Variants in EVI5 observed in about 807,000 individuals in gnomAD.
EVI5 encodes ecotropic viral integration site 5, also known as ecotropic viral integration site 5 protein homolog.
EVI5 carries 73 observed loss-of-function variants against 112.0 expected under a neutral mutation model. That is an observed-to-expected ratio of 0.65 (90% CI 0.54 to 0.79). The LOEUF is 0.79. Among genes scored for constraint, EVI5 ranks in the 30% least tolerant of loss-of-function variants. The pLI, the probability that EVI5 is intolerant of heterozygous loss-of-function variation, is 0.00. For synonymous variants in EVI5, 305 were observed against 319.9 expected (o/e 0.95, Z 0.50); for missense variants, 900 against 968.8 (o/e 0.93, Z 0.94).
At chr1:92,676,917 A>G (rs1666839177) in intron 10 of EVI5, among the ~76,000 whole-genome samples, 1 of 152,188 alleles carries the variant, frequency 6.6e-6, no homozygotes, top group Admixed American at 6.5e-5. Context: ...TCTCCATGGA[A>G]GTGTTTTCTC....
chr1:92,760,643 A>G (rs1203183421), intron 1 of EVI5, among the ~76,000 whole-genome samples: 1 of 151,618 alleles, frequency 6.6e-6, no homozygotes, highest in African/African-American at 2.4e-5. Flanking sequence ...CTAAGGCAGG[A>G]GAATTGCTTG....
In EVI5 at chr1:92,740,549, T is replaced by A. The variant is rs966868653; in HGVS notation, c.-81-3922A>T. On this transcript the variant is annotated intron_variant, in intron 1 of 19. Coordinates refer to ENST00000684568, the MANE Select transcript of EVI5 (RefSeq NM_001350197.2). ...GGGACTGCCAACCAGACATCTCATG[T>A]TCCTTCCTCGAGATGAGTGGACCAA... 6.6e-5 allele frequency among the ~76,000 whole-genome samples: 10 copies of A among 152,356 alleles called. No homozygotes were observed. In the East Asian group the frequency reaches 1.9e-3, roughly 29 times the overall value.
chr1:92,672,408 G>A (rs1016924273), intron 10 of EVI5, among the ~76,000 whole-genome samples: 14 of 152,002 alleles, frequency 9.2e-5, no homozygotes, highest in African/African-American at 2.4e-4. Flanking sequence ...GGCACACCCC[G>A]AATAGGTTCT....
intron 16 of EVI5, among the ~76,000 whole-genome samples, chr1:92,615,234 T>C (rs1235000494): frequency 6.6e-6 from 1 of 152,188 alleles, no homozygotes; most frequent in Non-Finnish European, 1.5e-5. Flanking sequence ...AACCAAGGAA[T>C]GTAATGAAGT....
chr1:92,565,780 C>T (rs1669342460), intron 18 of EVI5, among the ~76,000 whole-genome samples: 1 of 151,570 alleles, frequency 6.6e-6, no homozygotes, highest in African/African-American at 2.4e-5. Context: ...ACCAGCCTGG[C>T]CAACATGGTG....
chr1:92,588,897 TGGC>T (rs1673232406), intron 18 of EVI5, among the ~76,000 whole-genome samples: 1 of 152,266 alleles, frequency 6.6e-6, no homozygotes, highest in Non-Finnish European at 1.5e-5. Context: ...ATTTTGACTG[TGGC>T]TAGTATGCCG....
chr1:92,772,412 C>T (rs1039288407), intron 1 of EVI5, among the ~76,000 whole-genome samples: 6 of 150,688 alleles, frequency 4.0e-5, no homozygotes, highest in African/African-American at 7.3e-5. Flanking sequence ...CTGGCTAACA[C>T]AGTGAAACCC....
At chr1:92,672,717 T>C (rs1214703994) in intron 10 of EVI5, among the ~76,000 whole-genome samples, 1 of 152,236 alleles carries the variant, frequency 6.6e-6, no homozygotes, top group Non-Finnish European at 1.5e-5. Context: ...GGAGGCACTA[T>C]GAATTATCTG....
intron 19 of EVI5, among the ~76,000 whole-genome samples, chr1:92,548,036 CACA>C (rs1230922903): frequency 1.3e-5 from 2 of 152,108 alleles, no homozygotes; most frequent in Admixed American, 1.3e-4. Flanking sequence ...CTGGCAGAGA[CACA>C]ACAAAAAAAG....
chr1:92,734,061 G>A (rs923211321), intron 2 of EVI5, among the ~76,000 whole-genome samples: 10 of 152,162 alleles, frequency 6.6e-5, no homozygotes, highest in South Asian at 4.1e-4. Flanking sequence ...CATGGGGGCC[G>A]GAAAGTATAG....
intron 19 of EVI5, among the ~76,000 whole-genome samples, chr1:92,551,593 T>C (rs560232299): frequency 1.3e-5 from 2 of 152,326 alleles, no homozygotes. Flanking sequence ...ACTCAAATGA[T>C]AAATATGCAT....
chr1:92,721,177 G>A (rs1397728769), intron 2 of EVI5, among the ~76,000 whole-genome samples: 1 of 152,164 alleles, frequency 6.6e-6, no homozygotes, highest in East Asian at 1.9e-4. Context: ...CCATTACTGG[G>A]TATATACCCA....
At chr1:92,658,284 G>A (rs1355715880) in intron 13 of EVI5, among the ~76,000 whole-genome samples, 1 of 152,148 alleles carries the variant, frequency 6.6e-6, no homozygotes, top group Non-Finnish European at 1.5e-5. Flanking sequence ...AATTGGAAAA[G>A]AGGAAGTCAA....
chr1:92,677,888 G>A (rs2102325190), intron 9 of EVI5, among the ~76,000 whole-genome samples: 1 of 152,266 alleles, frequency 6.6e-6, no homozygotes, highest in Non-Finnish European at 1.5e-5. Context: ...AACATCACCA[G>A]TAATACATAC....
intron 16 of EVI5, among the ~76,000 whole-genome samples, chr1:92,620,718 G>C (rs1376326108): frequency 6.6e-6 from 1 of 151,976 alleles, no homozygotes; most frequent in Non-Finnish European, 1.5e-5. Context: ...ACAAAAACCA[G>C]CACTAAAGGA....
intron 18 of EVI5, among the ~76,000 whole-genome samples, chr1:92,584,428 ATAG>A (rs1427445375): frequency 5.3e-5 from 8 of 152,222 alleles, no homozygotes; most frequent in Non-Finnish European, 1.2e-4. Context: ...TGAAATTACT[ATAG>A]TAGAAGAAAA....
At chr1:92,659,055 T>C (rs1336410801) in intron 13 of EVI5, among the ~76,000 whole-genome samples, 1 of 151,904 alleles carries the variant, frequency 6.6e-6, no homozygotes, top group East Asian at 1.9e-4. Context: ...TTCATATCTC[T>C]CATCATTTAC....
chr1:92,624,689 C>CAAAA (rs141559165), intron 15 of EVI5, among the ~76,000 whole-genome samples: 103 of 51,774 alleles, frequency 2.0e-3, no homozygotes, highest in Admixed American at 2.5e-3. Context: ...GTCTCTACTT[C>CAAAA]AAAAAAAAAA....
At chr1:92,525,259 G>T (rs1661665003) in intron 19 of EVI5, among the ~76,000 whole-genome samples, 1 of 139,250 alleles carries the variant, frequency 7.2e-6, no homozygotes. Context: ...CAGTGCCAAT[G>T]ACAATGCCTT....
Sources: gnomAD v4.1 joint callset for allele counts (sites outside exome capture counted in the v4.1 genomes callset) on GRCh38, gnomAD v4.1.1 for gene constraint, MANE v1.5 for transcripts, NCBI Gene and HGNC (gene_info 2026-07-23, HGNC 2026-07-21) for gene names.